Variants in MTHFD1 observed in about 807,000 individuals in gnomAD.
MTHFD1 encodes the protein methylenetetrahydrofolate dehydrogenase, cyclohydrolase and formyltetrahydrofolate synthetase 1, also known as C-1-tetrahydrofolate synthase, cytoplasmic.
In MTHFD1, 44 loss-of-function variants were observed where a neutral mutation model predicts 110.3. The observed-to-expected ratio is 0.40, with a 90% confidence interval of 0.31 to 0.51. The LOEUF (loss-of-function observed/expected upper bound fraction) is 0.51. Among genes scored for constraint, MTHFD1 ranks in the 20% least tolerant of loss-of-function variants. MTHFD1 has a pLI of 0.60. For missense variants in MTHFD1, 909 were observed against 1,173.1 expected, an observed-to-expected ratio of 0.77 and a Z score of 3.29; for synonymous variants, 402 against 428.8, an observed-to-expected ratio of 0.94 and a Z score of 0.77.
intron 18 of MTHFD1, chr14:64,440,515 G>T (rs185418532): frequency 1.1e-5 from 6 of 530,084 alleles, no homozygotes; most frequent in Non-Finnish European, 2.1e-5. Flanking sequence ...TCTTCATCCT[G>T]TGGGCATCTC....
intron 24 of MTHFD1, among the ~76,000 whole-genome samples, chr14:64,451,161 T>G (rs1268754863): frequency 6.6e-6 from 1 of 151,788 alleles, no homozygotes; most frequent in Non-Finnish European, 1.5e-5. Context: ...CGAAACTTCG[T>G]CTCAAAAAAA....
chr14:64,455,587 T>C (rs2078458541), intron 26 of MTHFD1, among the ~76,000 whole-genome samples: 2 of 152,234 alleles, frequency 1.3e-5, no homozygotes, highest in South Asian at 4.1e-4. Flanking sequence ...CCCTGTATCC[T>C]GTATCTACAG....
chr14:64,440,016 C>G lies in MTHFD1; in HGVS notation c.1675-110C>G, dbSNP rs1476894773. 9 of 915,632 alleles carry G rather than the reference C, an allele frequency of 9.8e-6. No individual in the cohort carries two copies. In the East Asian group the frequency reaches 2.2e-4, roughly 23 times the overall value. 56.7% of individuals were successfully genotyped at this position (915,632 alleles called of 1,614,324 possible). A position where few individuals can be genotyped will look rare whatever the true frequency, so the allele number is the denominator to read the frequency against. On this transcript the variant is annotated intron_variant, in intron 17 of 27. Transcript: ENST00000652337. ...TTTGGGTAGTATTCTGTTATTCTAT[C>G]CTTTTAAGCTATTTGTTTAAGCCTC...
chr14:64,440,665 A>G (rs2078240651), intron 18 of MTHFD1: 1 of 292,608 alleles, frequency 3.4e-6, no homozygotes, highest in Non-Finnish European at 6.7e-6. Context: ...ACTCTTGCGT[A>G]ATATTGCAGT....
Position 64,434,429 on chromosome 14 carries a change from G to A in MTHFD1, c.1495-1140G>A, listed in dbSNP as rs76748141. ...GAGCCAGGTGTGGTGGCATGCACCT[G>A]TAGTTATACCCAGCTACTCGGGAGG... On this transcript the variant is annotated intron_variant, in intron 15 of 27. Coordinates refer to ENST00000652337, the MANE Select transcript of MTHFD1 (RefSeq NM_005956.4). Among the ~76,000 whole-genome samples the A allele has an allele frequency of 9.5e-3, 1,452 of 152,194 alleles. 20 individuals carry two copies. Among genetic ancestry groups the A allele is most frequent in the African/African-American group, 0.031 (1,294 of 41,518 alleles).
intron 22 of MTHFD1, among the ~76,000 whole-genome samples, chr14:64,445,394 G>C (rs866155885): frequency 2.6e-5 from 4 of 152,246 alleles, no homozygotes; most frequent in South Asian, 4.1e-4. Flanking sequence ...GGAGGCTAGA[G>C]AACAACTGTG....
At chr14:64,397,757 T>C (rs1022273413) in intron 1 of MTHFD1, among the ~76,000 whole-genome samples, 5 of 152,224 alleles carry the variant, frequency 3.3e-5, no homozygotes, top group Admixed American at 3.3e-4. Flanking sequence ...TCATGTAAAT[T>C]TCATGCTGCC....
chr14:64,452,802 AAC>A (rs1288577725), intron 24 of MTHFD1, among the ~76,000 whole-genome samples: 77 of 152,316 alleles, frequency 5.1e-4, no homozygotes, highest in African/African-American at 1.8e-3. Flanking sequence ...TTATTTCATA[AAC>A]AGTGTCCCCA....
chr14:64,415,011 T>A (rs926725198), intron 4 of MTHFD1, among the ~76,000 whole-genome samples: 1 of 152,066 alleles, frequency 6.6e-6, no homozygotes, highest in African/African-American at 2.4e-5. Flanking sequence ...TTTTAAAAAG[T>A]TTTTGTAGAT....
intron 8 of MTHFD1, among the ~76,000 whole-genome samples, chr14:64,421,846 C>T (rs1217925076): frequency 1.3e-5 from 2 of 151,996 alleles, no homozygotes; most frequent in South Asian, 2.1e-4. Context: ...AGGATGGTCT[C>T]GATCTCCTGA....
In MTHFD1 at chr14:64,417,681, G is replaced by A. The variant is rs915986111; in HGVS notation, c.479-207G>A. ...GCTTAAGCTGCTCCCAAAAACCCAC[G>A]GCCAGAAGGACACAAGTACAAGTCC... On this transcript the variant is annotated intron_variant, in intron 6 of 27. Coordinates refer to ENST00000652337, the MANE Select transcript of MTHFD1 (RefSeq NM_005956.4). The surrounding 1 kb of genome is among the most constrained non-coding windows in gnomAD (Gnocchi z 4.4). 3.9e-5 allele frequency among the ~76,000 whole-genome samples: 6 copies of A among 152,122 alleles called. No individual in the cohort carries two copies. The highest frequency in any genetic ancestry group is 2.1e-4 in the South Asian group (1 of 4,830).
intron 24 of MTHFD1, among the ~76,000 whole-genome samples, chr14:64,451,647 A>G (rs1807507875): frequency 6.6e-6 from 1 of 152,206 alleles, no homozygotes; most frequent in Non-Finnish European, 1.5e-5. Context: ...GTCCTTGAAA[A>G]CCAGCAGGAG....
Position 64,439,106 on chromosome 14 carries a change from C to G in MTHFD1, c.1608C>G (p.Thr536=). The G allele has an allele frequency of 6.2e-7, 1 of 1,613,420 alleles. No homozygotes were observed. The highest frequency in any genetic ancestry group is 8.5e-7 in the Non-Finnish European group (1 of 1,179,448). The part of the protein sequence containing the change: ...ETITWQRVLD[T]NDRFLRKITI... ...GCCTGTCTGCTGTAGTGTTGGATAC[C>G]AATGATAGATTCCTGAGGAAGATCA... The change falls in exon 17 of 28, where the codon ACC becomes ACG. Residue 536 remains threonine (T), a synonymous_variant. Transcript: ENST00000652337.
chr14:64,418,697 C>A (rs1490358440), intron 7 of MTHFD1, among the ~76,000 whole-genome samples: 1 of 152,064 alleles, frequency 6.6e-6, no homozygotes, highest in Non-Finnish European at 1.5e-5. Flanking sequence ...GCTGGGATTA[C>A]AGGCATGTGC....
In MTHFD1 at chr14:64,430,350, G is replaced by C. The variant is rs1281785122; in HGVS notation, c.1311+120G>C. ...TCTTGCTCTGTTGCCCAGAGCTGGA[G>C]TGCAATGGCGCAATCTCGGCTCACT... On this transcript the variant is annotated intron_variant, in intron 13 of 27. Transcript: ENST00000652337. 5.4e-6 allele frequency: 5 copies of C among 930,398 alleles called. No homozygotes were observed. In the Admixed American group the frequency reaches 9.0e-5, roughly 17 times the overall value. The allele number at this position is 930,398 out of a possible 1,614,324, so 57.6% of individuals were successfully genotyped here.
At chr14:64,416,317 C>T (rs146605643) in intron 6 of MTHFD1, among the ~76,000 whole-genome samples, 63 of 152,216 alleles carry the variant, frequency 4.1e-4, no homozygotes, top group Non-Finnish European at 5.6e-4. Flanking sequence ...TGGGAGACAA[C>T]GGAACCAAGA....
chr14:64,419,085 T>A (rs542184448), intron 7 of MTHFD1: 2 of 154,054 alleles, frequency 1.3e-5, no homozygotes, highest in South Asian at 4.1e-4. Context: ...CTCAAACTCC[T>A]GGACTCAAGC....
At chr14:64,426,224 C>T in intron 11 of MTHFD1, 32 bp downstream of exon 11, 1 of 1,613,686 alleles carries the variant, frequency 6.2e-7, no homozygotes, top group Non-Finnish European at 8.5e-7. Context: ...CCATCCAAAT[C>T]TTAGTATCAG....
intron 16 of MTHFD1, among the ~76,000 whole-genome samples, chr14:64,437,846 A>G (rs1266017826): frequency 6.6e-6 from 1 of 152,170 alleles, no homozygotes; most frequent in Non-Finnish European, 1.5e-5. Flanking sequence ...TGTGTTCACC[A>G]GCCCAGAGGC....
Sources: allele counts gnomAD v4.1 joint callset (sites outside exome capture counted in the v4.1 genomes callset), GRCh38; gene constraint gnomAD v4.1.1; non-coding constraint Gnocchi (gnomAD v3.1); transcripts MANE v1.5; gene names NCBI Gene and HGNC (gene_info 2026-07-23, HGNC 2026-07-21).